The following SCLT1 variants were observed in gnomAD, a reference collection of about 807,000 sequenced individuals.
SCLT1 encodes the protein sodium channel-associated protein 1.
In SCLT1, 78 loss-of-function variants were observed where a neutral mutation model predicts 112.8. That is an observed-to-expected ratio of 0.69 (90% CI 0.58 to 0.83). The LOEUF (loss-of-function observed/expected upper bound fraction) is 0.83. Among genes scored for constraint, SCLT1 ranks in the 40% least tolerant of loss-of-function variants. SCLT1 has a pLI of 0.00. For synonymous variants in SCLT1, 257 were observed against 254.7 expected, an observed-to-expected ratio of 1.01 and a Z score of -0.09; for missense variants, 747 against 770.4, an observed-to-expected ratio of 0.97 and a Z score of 0.36.
intron 5 of SCLT1, among the ~76,000 whole-genome samples, chr4:129,032,420 A>T (rs990240981): frequency 3.9e-5 from 6 of 152,078 alleles, no homozygotes; most frequent in Non-Finnish European, 8.8e-5. Flanking sequence ...ATTCAGGACA[A>T]AGGCATGGGC....
At chr4:129,025,323 G>A (rs1745943532) in intron 5 of SCLT1, among the ~76,000 whole-genome samples, 1 of 152,216 alleles carries the variant, frequency 6.6e-6, no homozygotes, top group Admixed American at 6.5e-5. Context: ...CCCACAAAGG[G>A]AAGCCCATCA....
intron 5 of SCLT1, among the ~76,000 whole-genome samples, chr4:129,033,152 T>C (rs1246086787): frequency 6.6e-6 from 1 of 152,084 alleles, no homozygotes. Context: ...CACAGAATAC[T>C]ATGCAGCCAT....
rs761305370 is a variant in SCLT1, at chr4:128,970,507, G to T, written c.687-39C>A. ...TAAATTAATAAACACTGTTTTCATA[G>T]ACCACTAAGAATAAAAAATTAGAAT... On this transcript the variant is annotated intron_variant, in intron 9 of 20. Transcript: ENST00000281142. The T allele has an allele frequency of 2.9e-6, 3 of 1,040,728 alleles. No homozygotes were observed. In the South Asian group the frequency reaches 3.9e-5, roughly 14 times the overall value. 64.5% of individuals were successfully genotyped at this position (1,040,728 alleles called of 1,614,324 possible). A position where few individuals can be genotyped will look rare whatever the true frequency, so the allele number is the denominator to read the frequency against.
Position 128,970,445 on chromosome 4 carries a change from ACT to A in SCLT1, c.708_709del (p.Arg236SerfsTer11), listed in dbSNP as rs1336327239. The A allele has an allele frequency of 2.5e-6, 4 of 1,604,716 alleles. No individual in the cohort carries two copies. ...TAACTCTTCCACTTTTGCTACAGCA[ACT>A]CTCAGCTCTAATTTGGCTTGCCTAA... On this transcript the variant is annotated frameshift_variant, in exon 10 of 21. Transcript: ENST00000281142. LOFTEE classifies it high-confidence loss of function.
intron 5 of SCLT1, among the ~76,000 whole-genome samples, chr4:129,022,238 C>T (rs148384294): frequency 6.2e-4 from 95 of 152,286 alleles, no homozygotes; most frequent in African/African-American, 2.1e-3. Flanking sequence ...GCCTCTTCTG[C>T]TCCAAATGAT....
chr4:128,948,663 A>C, intron 14 of SCLT1, 93 bp from the exon 15 acceptor site: 1 of 896,354 alleles, frequency 1.1e-6, no homozygotes, highest in Non-Finnish European at 1.7e-6. Context: ...TGGGAATATC[A>C]TAGTTATCAA....
At chr4:129,012,755 T>A (rs567968611) in intron 5 of SCLT1, among the ~76,000 whole-genome samples, 1 of 151,440 alleles carries the variant, frequency 6.6e-6, no homozygotes, top group Non-Finnish European at 1.5e-5. Context: ...TTGAATTGAA[T>A]TGAACCTTTT....
chr4:129,051,854 C>T (rs1407027393), intron 2 of SCLT1, among the ~76,000 whole-genome samples: 1 of 152,118 alleles, frequency 6.6e-6, no homozygotes, highest in African/African-American at 2.4e-5. Context: ...ATGACGTTGG[C>T]TGTGGGTTTG....
intron 2 of SCLT1, among the ~76,000 whole-genome samples, chr4:129,066,027 AC>A (rs1485584633): frequency 1.3e-5 from 2 of 152,046 alleles, no homozygotes; most frequent in Non-Finnish European, 2.9e-5. Flanking sequence ...GAGAAAAAAA[AC>A]AGAGCCCTGT....
chr4:129,036,990 T>A (rs1443929198), intron 5 of SCLT1: 1 of 151,924 alleles, frequency 6.6e-6, no homozygotes, highest in Non-Finnish European at 1.5e-5. Context: ...GTTATATGAA[T>A]TTTATGGGTT....
chr4:128,999,683 G>T lies in SCLT1; in HGVS notation c.538C>A (p.Gln180Lys). 1 of 1,595,542 alleles carries T rather than the reference G, an allele frequency of 6.3e-7. No individual in the cohort carries two copies. Among genetic ancestry groups the T allele is most frequent in the South Asian group, 1.1e-5 (1 of 88,488 alleles). Residue 180 changes from glutamine to lysine, a missense_variant, in exon 7 of 21, where the codon CAA (glutamine) becomes AAA (lysine). By Grantham distance (53) the Gln-to-Lys change is moderately conservative. Coordinates refer to ENST00000281142, the MANE Select transcript of SCLT1 (RefSeq NM_144643.4). The part of the protein sequence containing the change: ...TEAQIHVFES[Q>K]KQKDQLFDFQ... ...AAATCCAAGATTACCTTTTGTTTTTGACTTTCAAATACATGAATCTGGGCC... is the reference window on the plus strand; with the variant it reads ...AAATCCAAGATTACCTTTTGTTTTTTACTTTCAAATACATGAATCTGGGCC...
chr4:128,999,858 G>C (rs1374754061), intron 6 of SCLT1, 64 bp from the exon 7 acceptor site: 2 of 1,091,420 alleles, frequency 1.8e-6, no homozygotes, highest in Non-Finnish European at 2.6e-6. Context: ...AGTACAAATG[G>C]ATCATTTTCT....
chr4:128,992,062 C>CA (rs1316093507), intron 9 of SCLT1, 105 bp downstream of exon 9: 3 of 665,250 alleles, frequency 4.5e-6, no homozygotes, highest in Non-Finnish European at 7.8e-6. Flanking sequence ...AGAAGCTTAA[C>CA]AAAAGGAAGG....
At chr4:129,022,259 C>T (rs1447857488) in intron 5 of SCLT1, among the ~76,000 whole-genome samples, 4 of 152,268 alleles carry the variant, frequency 2.6e-5, no homozygotes, top group Admixed American at 2.6e-4. Flanking sequence ...TGCAACTCCT[C>T]TCCAACAAGA....
chr4:129,089,455 C>T (rs1330446037), intron 1 of SCLT1, among the ~76,000 whole-genome samples: 3 of 152,188 alleles, frequency 2.0e-5, no homozygotes, highest in Non-Finnish European at 4.4e-5. Flanking sequence ...GACAGTGTGG[C>T]GATTCCTCAA....
At chr4:128,975,643 C>A (rs1439740943) in intron 9 of SCLT1, among the ~76,000 whole-genome samples, 1 of 151,994 alleles carries the variant, frequency 6.6e-6, no homozygotes, top group African/African-American at 2.4e-5. Flanking sequence ...ATTTGATATT[C>A]TTAATTTTTT....
chr4:129,065,983 A>G lies in SCLT1; in HGVS notation c.102+16323T>C, dbSNP rs566268043. ...AGATAAGTCAGTAGGGAAAACATCA[A>G]ATAATAAATGCTGGAAGCAATGGTT... On this transcript the variant is annotated intron_variant, in intron 2 of 20. Coordinates refer to ENST00000281142, the MANE Select transcript of SCLT1 (RefSeq NM_144643.4). 2.0e-5 allele frequency among the ~76,000 whole-genome samples: 3 copies of G among 152,156 alleles called. No homozygotes were observed. The South Asian group carries it at 6.2e-4, about 32-fold the overall frequency.
In SCLT1 at chr4:128,919,204, A is replaced by T. The variant is rs1028078710; in HGVS notation, c.1829+17451T>A. ...AAACAATCCTCAGCAAATTAAAAAA[A>T]AAAATCATACTAAACACACTCTTGG... On this transcript the variant is annotated intron_variant, in intron 18 of 20. Coordinates refer to ENST00000281142, the MANE Select transcript of SCLT1 (RefSeq NM_144643.4). Among the ~76,000 whole-genome samples the T allele has an allele frequency of 1.1e-4, 17 of 152,268 alleles. No homozygotes were observed. The East Asian group carries it at 3.3e-3, about 29-fold the overall frequency.
chr4:128,940,667 T>A (rs887809778), intron 17 of SCLT1, among the ~76,000 whole-genome samples: 1 of 151,950 alleles, frequency 6.6e-6, no homozygotes, highest in Non-Finnish European at 1.5e-5. Flanking sequence ...AGTAACAATT[T>A]TAAAATTCAT....
Sources: allele counts gnomAD v4.1 joint callset (sites outside exome capture counted in the v4.1 genomes callset), GRCh38; gene constraint gnomAD v4.1.1; transcripts MANE v1.5; gene names NCBI Gene and HGNC (gene_info 2026-07-23, HGNC 2026-07-21).